The following GALNTL6 variants were observed in gnomAD, a reference collection of about 807,000 sequenced individuals.
GALNTL6 encodes the protein polypeptide N-acetylgalactosaminyltransferase-like 6.
GALNTL6 carries 46 observed loss-of-function variants against 73.7 expected under a neutral mutation model. That is an observed-to-expected ratio of 0.62 (90% CI 0.49 to 0.80). GALNTL6 has a LOEUF of 0.80. Ranked by LOEUF, GALNTL6 falls within the 30% of genes least tolerant of loss-of-function variation. The pLI, the probability that GALNTL6 is intolerant of heterozygous loss-of-function variation, is 0.00. For synonymous variants in GALNTL6, 259 were observed against 263.7 expected, an observed-to-expected ratio of 0.98 and a Z score of 0.17; for missense variants, 604 against 755.0, an observed-to-expected ratio of 0.80 and a Z score of 2.34.
chr4:173,030,453 C>T (rs1753409372), intron 12 of GALNTL6, among the ~76,000 whole-genome samples: 1 of 152,160 alleles, frequency 6.6e-6, no homozygotes, highest in Non-Finnish European at 1.5e-5. Context: ...AATAGAAAGG[C>T]TCTGTTACAA....
At chr4:172,932,701 T>C (rs1395229719) in intron 9 of GALNTL6, among the ~76,000 whole-genome samples, 1 of 152,250 alleles carries the variant, frequency 6.6e-6, no homozygotes, top group Non-Finnish European at 1.5e-5. Flanking sequence ...AATTCATTTA[T>C]GTTTCACATA....
intron 10 of GALNTL6, among the ~76,000 whole-genome samples, chr4:172,961,755 A>G (rs1382955223): frequency 6.6e-6 from 1 of 152,196 alleles, no homozygotes; most frequent in Non-Finnish European, 1.5e-5. Context: ...TGCTTACCAG[A>G]TTTTAAATTG....
intron 3 of GALNTL6, among the ~76,000 whole-genome samples, chr4:172,240,078 T>G (rs909635327): frequency 8.5e-5 from 13 of 152,308 alleles, no homozygotes; most frequent in Middle Eastern, 3.4e-3. Flanking sequence ...GTTGGACTCT[T>G]GTGTGAGGTT....
At position 171,930,922 on chromosome 4, in the gene GALNTL6, G is replaced by A. The variant is rs935657237; in HGVS notation, c.138+116204G>A. On this transcript the variant is annotated intron_variant, in intron 2 of 12. Coordinates refer to ENST00000506823, the MANE Select transcript of GALNTL6 (RefSeq NM_001034845.3). ...ATTCAACATATGACTGAAAGTCCTA[G>A]TTACAGCAATTAGGTAAGAGAAGGA... Among the ~76,000 whole-genome samples, 70 of 152,148 alleles carry A rather than the reference G, an allele frequency of 4.6e-4. 2 individuals carry two copies. Among genetic ancestry groups the A allele is most frequent in the Non-Finnish European group, 8.8e-5 (6 of 68,020 alleles).
intron 2 of GALNTL6, among the ~76,000 whole-genome samples, chr4:172,144,611 C>T (rs1733881205): frequency 6.6e-6 from 1 of 152,162 alleles, no homozygotes; most frequent in South Asian, 2.1e-4. Flanking sequence ...TTCTATGAAG[C>T]TGAAGGATCT....
At chr4:172,733,852 C>T (rs1175843505) in intron 5 of GALNTL6, among the ~76,000 whole-genome samples, 1 of 152,098 alleles carries the variant, frequency 6.6e-6, no homozygotes, top group African/African-American at 2.4e-5. Context: ...AAATTGGTAC[C>T]AGGAGTGGGG....
chr4:172,386,500 C>A (rs189244950), intron 5 of GALNTL6, among the ~76,000 whole-genome samples: 25 of 151,908 alleles, frequency 1.6e-4, no homozygotes, highest in African/African-American at 5.8e-4. Context: ...AAAGTGAGAG[C>A]GAGAAAGAGA....
At chr4:172,640,591 C>T (rs1026970597) in intron 5 of GALNTL6, among the ~76,000 whole-genome samples, 9 of 152,148 alleles carry the variant, frequency 5.9e-5, no homozygotes, top group Non-Finnish European at 1.5e-5. Flanking sequence ...CAGAGGTCAG[C>T]TTCTCGCTGT....
At chr4:172,518,522 T>A (rs1387017660) in intron 5 of GALNTL6, among the ~76,000 whole-genome samples, 2 of 151,990 alleles carry the variant, frequency 1.3e-5, no homozygotes, top group East Asian at 3.8e-4. Flanking sequence ...TATGTGCCAT[T>A]TCTGCAGAGT....
intron 2 of GALNTL6, among the ~76,000 whole-genome samples, chr4:172,177,819 G>GTATGTA (rs1735088202): frequency 7.6e-6 from 1 of 131,390 alleles, no homozygotes; most frequent in Non-Finnish European, 1.6e-5. Context: ...ATATGTGTGT[G>GTATGTA]TATATATACA....
intron 5 of GALNTL6, among the ~76,000 whole-genome samples, chr4:172,519,502 C>T (rs1187309667): frequency 3.3e-5 from 5 of 149,922 alleles, no homozygotes; most frequent in African/African-American, 7.3e-5. Flanking sequence ...TTTCTCTTTC[C>T]TTCTTTCTTT....
intron 5 of GALNTL6, among the ~76,000 whole-genome samples, chr4:172,743,808 A>C (rs918589905): frequency 6.6e-6 from 1 of 152,168 alleles, no homozygotes; most frequent in Non-Finnish European, 1.5e-5. Context: ...ACTGTATATC[A>C]GATATCAAAG....
intron 5 of GALNTL6, among the ~76,000 whole-genome samples, chr4:172,561,173 A>AACCC (rs1222295292): frequency 6.7e-6 from 1 of 148,822 alleles, no homozygotes; most frequent in Non-Finnish European, 1.5e-5. Context: ...GAATGGCGTG[A>AACCC]ACCCGGGAAG....
intron 2 of GALNTL6, among the ~76,000 whole-genome samples, chr4:172,010,691 A>G (rs762886626): frequency 8.5e-5 from 13 of 152,100 alleles, no homozygotes; most frequent in Admixed American, 1.3e-4. Flanking sequence ...ACTTTCCACA[A>G]GTCAGTAGCT....
At chr4:172,449,562 A>G (rs1424429720) in intron 5 of GALNTL6, among the ~76,000 whole-genome samples, 1 of 152,164 alleles carries the variant, frequency 6.6e-6, no homozygotes, top group East Asian at 1.9e-4. Context: ...GTTTTCCTAG[A>G]TGCCAGAAAT....
At chr4:172,151,346 G>T (rs572709146) in intron 2 of GALNTL6, among the ~76,000 whole-genome samples, 4 of 152,026 alleles carry the variant, frequency 2.6e-5, no homozygotes, top group African/African-American at 7.2e-5. Flanking sequence ...ATTTTTTTCC[G>T]TGATGGCAGG....
chr4:172,624,260 GTTT>G (rs1404667002), intron 5 of GALNTL6, among the ~76,000 whole-genome samples: 1 of 151,894 alleles, frequency 6.6e-6, no homozygotes, highest in Non-Finnish European at 1.5e-5. Context: ...TTTTGTTGTT[GTTT>G]TTGTTTTTTG....
In GALNTL6 at chr4:172,648,381, A is replaced by C. The variant is rs189181626; in HGVS notation, c.554-160980A>C. 9.3e-4 allele frequency among the ~76,000 whole-genome samples: 141 copies of C among 152,284 alleles called. 1 individual carries two copies. The highest frequency in any genetic ancestry group is 3.1e-3 in the African/African-American group (128 of 41,562). On this transcript the variant is annotated intron_variant, in intron 5 of 12. Coordinates refer to ENST00000506823, the MANE Select transcript of GALNTL6 (RefSeq NM_001034845.3). ...GTCCAAAACACAGTCTTTTCCTGGGAACACAAGAATCTTTTACTCTGATGA... is the reference window on the plus strand; with the variant it reads ...GTCCAAAACACAGTCTTTTCCTGGGCACACAAGAATCTTTTACTCTGATGA...
chr4:172,991,192 G>A (rs1351280503), intron 10 of GALNTL6, among the ~76,000 whole-genome samples: 2 of 152,100 alleles, frequency 1.3e-5, no homozygotes, highest in African/African-American at 4.8e-5. Context: ...GGGAGATTCA[G>A]CTTTCCAACC....
Sources: gnomAD v4.1 joint callset for allele counts (sites outside exome capture counted in the v4.1 genomes callset) on GRCh38, gnomAD v4.1.1 for gene constraint, MANE v1.5 for transcripts, NCBI Gene and HGNC (gene_info 2026-07-23, HGNC 2026-07-21) for gene names.